The following PDE4D variants were observed in gnomAD, a reference collection of about 807,000 sequenced individuals.
PDE4D encodes the protein phosphodiesterase 4D, also known as 3',5'-cyclic-AMP phosphodiesterase 4D.
Under a neutral mutation model 87.4 loss-of-function variants are expected in PDE4D, and 24 were observed. The observed-to-expected ratio is 0.27, with a 90% CI of 0.20 to 0.39. PDE4D has a LOEUF of 0.39. Ranked by LOEUF, PDE4D falls within the 10% of genes least tolerant of loss-of-function variation. PDE4D has a pLI of 1.00. For synonymous variants in PDE4D, 384 were observed against 383.2 expected (o/e 1.00, Z -0.02); for missense variants, 714 against 1,041.0 (o/e 0.69, Z 4.32).
intron 1 of PDE4D, among the ~76,000 whole-genome samples, chr5:59,645,738 G>T (rs1390270894): frequency 6.6e-6 from 1 of 152,132 alleles, no homozygotes; most frequent in African/African-American, 2.4e-5. Context: ...ATAAAGCCAG[G>T]AACTGCTCTT....
At chr5:60,483,591 T>C (rs1748899053) in intron 1 of PDE4D, among the ~76,000 whole-genome samples, 1 of 152,064 alleles carries the variant, frequency 6.6e-6, no homozygotes, top group Admixed American at 6.6e-5. Flanking sequence ...AAATTCCTAT[T>C]GAGAAGTTAA....
intron 1 of PDE4D, among the ~76,000 whole-genome samples, chr5:59,578,396 C>T (rs1823523360): frequency 6.6e-6 from 1 of 152,148 alleles, no homozygotes; most frequent in Admixed American, 6.6e-5. Flanking sequence ...CCATAGGAGA[C>T]ATTCTCATCA....
intron 1 of PDE4D, among the ~76,000 whole-genome samples, chr5:60,202,765 G>A (rs1178978276): frequency 6.6e-6 from 1 of 150,736 alleles, no homozygotes; most frequent in Admixed American, 6.6e-5. Context: ...TCTATCAGAT[G>A]GTACATGAAA....
chr5:60,018,820 G>A (rs1160847420), intron 2 of PDE4D, among the ~76,000 whole-genome samples: 1 of 152,102 alleles, frequency 6.6e-6, no homozygotes, highest in Non-Finnish European at 1.5e-5. Context: ...CCCAATACAT[G>A]AACAGCCAGA....
chr5:59,448,924 C>A (rs1419982700), intron 1 of PDE4D, among the ~76,000 whole-genome samples: 1 of 152,154 alleles, frequency 6.6e-6, no homozygotes, highest in Non-Finnish European at 1.5e-5. Flanking sequence ...AGTGAGCCAC[C>A]ATTCCCAGCA....
intron 1 of PDE4D, among the ~76,000 whole-genome samples, chr5:60,307,754 T>C (rs1473910186): frequency 6.6e-6 from 1 of 151,758 alleles, no homozygotes; most frequent in African/African-American, 2.4e-5. Flanking sequence ...TGAAAAGTAA[T>C]GGCAAATAAG....
chr5:60,081,613 A>G (rs1259158787), intron 2 of PDE4D, among the ~76,000 whole-genome samples: 1 of 152,174 alleles, frequency 6.6e-6, no homozygotes, highest in African/African-American at 2.4e-5. Context: ...TTGGTTTCAA[A>G]GAACTTCTGG....
chr5:58,972,136 G>A lies in PDE4D; in HGVS notation c.*2528C>T, dbSNP rs1419796393. The A allele has an allele frequency of 6.6e-6, 1 of 152,498 alleles. No homozygotes were observed. Among genetic ancestry groups the A allele is most frequent in the African/African-American group, 2.4e-5 (1 of 41,434 alleles). The allele number at this position is 152,498 out of a possible 1,614,324, so 9.4% of individuals were successfully genotyped here. On this transcript the variant is annotated 3_prime_UTR_variant, in exon 15 of 15. Coordinates refer to ENST00000340635, the MANE Select transcript of PDE4D (RefSeq NM_001104631.2). The stretch of plus-strand genomic sequence containing the variant: ...TATTAAGATTCTAGGCACTCTGTGG[G>A]GGAAATACTAAGTGTAGGGAGGAGA...
chr5:60,021,163 C>G (rs1209189101), intron 2 of PDE4D: 1 of 152,086 alleles, frequency 6.6e-6, no homozygotes, highest in South Asian at 2.1e-4. Context: ...TAAAAGTTAG[C>G]CCTCCTACAC....
intron 2 of PDE4D, among the ~76,000 whole-genome samples, chr5:60,088,269 C>T (rs1268736462): frequency 3.3e-5 from 5 of 150,086 alleles, no homozygotes; most frequent in African/African-American, 9.8e-5. Flanking sequence ...ATTCTTCAAT[C>T]TGAAAAAAAA....
intron 1 of PDE4D, among the ~76,000 whole-genome samples, chr5:59,492,473 A>G (rs1806393720): frequency 6.6e-6 from 1 of 152,176 alleles, no homozygotes; most frequent in Non-Finnish European, 1.5e-5. Context: ...TATACATAGG[A>G]ACATTGCTCA....
chr5:59,689,478 T>G (rs1750521840), intron 1 of PDE4D, among the ~76,000 whole-genome samples: 1 of 152,152 alleles, frequency 6.6e-6, no homozygotes, highest in African/African-American at 2.4e-5. Flanking sequence ...GCCACATGAT[T>G]CTCTCAATAG....
At chr5:59,932,470 A>C (rs2152789670) in intron 3 of PDE4D, among the ~76,000 whole-genome samples, 1 of 152,326 alleles carries the variant, frequency 6.6e-6, no homozygotes, top group African/African-American at 2.4e-5. Context: ...ACTATTAGTA[A>C]GTTCATTTGC....
intron 1 of PDE4D, among the ~76,000 whole-genome samples, chr5:60,397,083 C>T (rs947659629): frequency 1.1e-4 from 17 of 152,272 alleles, no homozygotes; most frequent in African/African-American, 3.9e-4. Context: ...CAAATTAAAA[C>T]TGCAATGAGC....
chr5:59,131,306 T>C (rs925736866), intron 5 of PDE4D, among the ~76,000 whole-genome samples: 1 of 152,170 alleles, frequency 6.6e-6, no homozygotes, highest in Non-Finnish European at 1.5e-5. Flanking sequence ...TTTTTCACTT[T>C]CGTATCCCCA....
intron 2 of PDE4D, among the ~76,000 whole-genome samples, chr5:60,146,473 T>C (rs1289695828): frequency 6.6e-6 from 1 of 152,192 alleles, no homozygotes; most frequent in Non-Finnish European, 1.5e-5. Context: ...ATTGGAAAAT[T>C]GCAAAACAGC....
At position 60,197,118 on chromosome 5, in the gene PDE4D, T is replaced by TAGATAGAC. The variant is rs1554183849; in HGVS notation, c.-89-11432_-89-11431insGTCTATCT. ...ATAGATAGATAGATAGATAGATAGA[T>TAGATAGAC]AGATAGATTAGATAGGAATAGGTAG... On this transcript the variant is annotated intron_variant, in intron 1 of 16. Coordinates refer to the PDE4D transcript ENST00000502484. Among the ~76,000 whole-genome samples, 117 of 150,256 alleles carry TAGATAGAC rather than the reference T, an allele frequency of 7.8e-4. 1 individual carries two copies. The highest frequency in any genetic ancestry group is 2.7e-3 in the African/African-American group (111 of 40,646).
At chr5:59,644,805 A>G (rs2150209266) in intron 1 of PDE4D, among the ~76,000 whole-genome samples, 2 of 152,358 alleles carry the variant, frequency 1.3e-5, no homozygotes, top group East Asian at 3.9e-4. Flanking sequence ...CAAATAGCAC[A>G]TTCTGTTCAG....
rs1335681502 is a variant in PDE4D at position 59,398,971 on chromosome 5, C to A, written c.456-183003G>T. The stretch of plus-strand genomic sequence containing the variant: ...CAGAGAGCCAAATCATGAGTGAACT[C>A]CCATTCACAATTGCTTCAAAGAGAA... On this transcript the variant is annotated intron_variant, in intron 1 of 14. Transcript: ENST00000340635. Among the ~76,000 whole-genome samples, 59 of 117,674 alleles carry A rather than the reference C, an allele frequency of 5.0e-4. 3 individuals are homozygous for A. The highest frequency in any genetic ancestry group is 8.3e-3 in the Middle Eastern group (2 of 242). 77.2% of individuals were successfully genotyped at this position (117,674 alleles called of 152,430 possible). A position where few individuals can be genotyped will look rare whatever the true frequency, so the allele number is the denominator to read the frequency against.
Sources: allele counts gnomAD v4.1 joint callset (sites outside exome capture counted in the v4.1 genomes callset), GRCh38; gene constraint gnomAD v4.1.1; transcripts MANE v1.5; gene names NCBI Gene and HGNC (gene_info 2026-07-23, HGNC 2026-07-21).